The following VPS13D variants were observed in gnomAD, a reference collection of about 807,000 sequenced individuals.
VPS13D encodes vacuolar protein sorting 13 homolog D, also known as intermembrane lipid transfer protein VPS13D.
Under a neutral mutation model 461.9 loss-of-function variants are expected in VPS13D, and 187 were observed. The ratio of observed to expected loss-of-function variants is 0.40; its 90% CI spans 0.36 to 0.46. The LOEUF (loss-of-function observed/expected upper bound fraction) is 0.46, where lower values mean the gene tolerates loss of function less well. Ranked by LOEUF, VPS13D falls within the 20% of genes least tolerant of loss-of-function variation. VPS13D has a pLI of 0.60. For synonymous variants in VPS13D, 1,951 were observed against 1,986.3 expected (o/e 0.98, Z 0.47); for missense variants, 4,711 against 5,364.9 (o/e 0.88, Z 3.81).
At position 12,253,748 on chromosome 1, in the gene VPS13D, A is replaced by C. The variant is rs777691586; in HGVS notation, c.591A>C (p.Gln197His). 21 of 1,614,038 alleles carry C rather than the reference A, an allele frequency of 1.3e-5. No individual in the cohort carries two copies. Among genetic ancestry groups the C allele is most frequent in the Non-Finnish European group, 1.7e-5 (20 of 1,180,006 alleles). The change falls in exon 7 of 70, where the codon CAA becomes CAC. Residue 197 changes from glutamine to histidine, a missense_variant. Gln to His is a conservative substitution (Grantham distance 24). Coordinates refer to ENST00000620676, the MANE Select transcript of VPS13D (RefSeq NM_015378.4). ...EPVQKLMRKK[Q>H]LDVAEFSIYW... ...TACAGAAACTAATGCGGAAAAAGCA[A>C]TTAGACGTAGCAGAATTTAGCATCT...
intron 38 of VPS13D, among the ~76,000 whole-genome samples, chr1:12,334,393 T>C (rs920024174): frequency 2.2e-4 from 33 of 152,262 alleles, no homozygotes; most frequent in African/African-American, 7.5e-4. Flanking sequence ...TGTGGTAGTC[T>C]TTTGAAAAGC....
chr1:12,456,844 G>A (rs913870304), intron 66 of VPS13D, among the ~76,000 whole-genome samples: 9 of 152,146 alleles, frequency 5.9e-5, no homozygotes, highest in African/African-American at 1.9e-4. Context: ...GTATCATAAG[G>A]TGTAATCAAC....
chr1:12,480,602 CT>C (rs1223879715), intron 67 of VPS13D, among the ~76,000 whole-genome samples: 1 of 152,174 alleles, frequency 6.6e-6, no homozygotes, highest in Non-Finnish European at 1.5e-5. Context: ...TACTGGCTGA[CT>C]TTTAATGGAG....
At chr1:12,237,377 C>T (rs2101184558) in intron 2 of VPS13D, among the ~76,000 whole-genome samples, 1 of 146,790 alleles carries the variant, frequency 6.8e-6, no homozygotes, top group Middle Eastern at 3.7e-3. Context: ...CCTGTGGTCC[C>T]AGCTACTTGG....
intron 41 of VPS13D, among the ~76,000 whole-genome samples, 153 bp downstream of exon 41, chr1:12,342,038 CT>C (rs1643580673): frequency 6.6e-6 from 1 of 152,122 alleles, no homozygotes; most frequent in South Asian, 2.1e-4. Flanking sequence ...GATGGAGGTT[CT>C]GGTTTTGTAG....
intron 40 of VPS13D, among the ~76,000 whole-genome samples, chr1:12,339,389 T>C (rs1643519237): frequency 1.3e-5 from 2 of 152,218 alleles, no homozygotes; most frequent in South Asian, 2.1e-4. Context: ...TGGACTGAGC[T>C]GCTTACATAG....
Position 12,336,935 on chromosome 1 carries a change from A to G in VPS13D, c.8551+1108A>G, listed in dbSNP as rs562597893. The G allele has an allele frequency of 5.3e-5, 8 of 152,360 alleles. No homozygotes were observed. In the South Asian group the frequency reaches 6.2e-4, roughly 12 times the overall value. 9.4% of individuals were successfully genotyped at this position (152,360 alleles called of 1,614,324 possible). ...AGAGTGTGTTTCTAAAACATTATTC[A>G]TGCAGGGGCATCTTCAATTCAGAGT... On this transcript the variant is annotated intron_variant, in intron 39 of 69. Coordinates refer to ENST00000620676, the MANE Select transcript of VPS13D (RefSeq NM_015378.4).
chr1:12,483,223 A>G (rs1030860443), intron 67 of VPS13D, among the ~76,000 whole-genome samples: 1 of 152,240 alleles, frequency 6.6e-6, no homozygotes, highest in Non-Finnish European at 1.5e-5. Context: ...TTCAGAATTC[A>G]GTCAAGAATT....
chr1:12,346,412 G>A (rs1348078558), intron 43 of VPS13D, among the ~76,000 whole-genome samples, 193 bp from the exon 44 acceptor site: 1 of 152,116 alleles, frequency 6.6e-6, no homozygotes, highest in East Asian at 1.9e-4. Context: ...TTTGGCATAC[G>A]TTGAATGGTT....
At chr1:12,344,135 A>G (rs951778396) in intron 42 of VPS13D, among the ~76,000 whole-genome samples, 4 of 152,218 alleles carry the variant, frequency 2.6e-5, no homozygotes, top group Non-Finnish European at 5.9e-5. Flanking sequence ...GTATTTTTCT[A>G]TGCACAGGCT....
At chr1:12,445,142 T>C (rs1645177083) in intron 65 of VPS13D, among the ~76,000 whole-genome samples, 1 of 152,212 alleles carries the variant, frequency 6.6e-6, no homozygotes, top group Non-Finnish European at 1.5e-5. Flanking sequence ...AGTAATCAGC[T>C]TCAACCCCTG....
intron 32 of VPS13D, among the ~76,000 whole-genome samples, chr1:12,320,308 G>A (rs1169654790): frequency 2.6e-5 from 4 of 152,140 alleles, no homozygotes; most frequent in African/African-American, 9.7e-5. Flanking sequence ...GAGACAGAAG[G>A]GGAATCGTGG....
intron 22 of VPS13D, among the ~76,000 whole-genome samples, chr1:12,290,281 T>C (rs918249642): frequency 2.6e-5 from 4 of 152,222 alleles, no homozygotes; most frequent in African/African-American, 9.6e-5. Context: ...TAATGTTGCT[T>C]GAATACCTAA....
chr1:12,264,120 T>A (rs529865743), intron 13 of VPS13D, among the ~76,000 whole-genome samples: 5 of 152,348 alleles, frequency 3.3e-5, no homozygotes, highest in Admixed American at 6.5e-5. Flanking sequence ...TTTGGAGTGC[T>A]ATGAACCATG....
intron 5 of VPS13D, 141 bp from the exon 6 acceptor site, chr1:12,249,082 C>A: frequency 1.7e-6 from 1 of 605,366 alleles, no homozygotes; most frequent in Non-Finnish European, 2.8e-6. Flanking sequence ...GGTGTGGTTT[C>A]CTTTAGTGGC....
intron 47 of VPS13D, 67 bp from the exon 48 acceptor site, chr1:12,355,832 C>T (rs894621280): frequency 5.6e-5 from 79 of 1,421,302 alleles, no homozygotes; most frequent in Admixed American, 1.1e-4. Context: ...ATCCAATTTA[C>T]TTTTGCTGTG....
chr1:12,352,819 G>T (rs1643825269), intron 46 of VPS13D, among the ~76,000 whole-genome samples: 1 of 151,840 alleles, frequency 6.6e-6, no homozygotes, highest in Non-Finnish European at 1.5e-5. Flanking sequence ...CAACAAATTA[G>T]CCAGACATGG....
At chr1:12,311,697 C>A in intron 28 of VPS13D, 72 bp downstream of exon 28, 1 of 1,591,454 alleles carries the variant, frequency 6.3e-7, no homozygotes, top group South Asian at 1.1e-5. Flanking sequence ...ATCTATTCCT[C>A]AAACTCACTT....
intron 22 of VPS13D, among the ~76,000 whole-genome samples, chr1:12,288,548 G>A (rs544887435): frequency 6.6e-6 from 1 of 151,764 alleles, no homozygotes; most frequent in Admixed American, 6.6e-5. Context: ...CCCTCCTCCT[G>A]TCTCTCATCT....
Sources: allele counts gnomAD v4.1 joint callset (sites outside exome capture counted in the v4.1 genomes callset), GRCh38; gene constraint gnomAD v4.1.1; transcripts MANE v1.5; gene names NCBI Gene and HGNC (gene_info 2026-07-23, HGNC 2026-07-21).